TENM3: variants seen among roughly 807,000 people sequenced by gnomAD.
TENM3 encodes teneurin-3.
In TENM3, 63 loss-of-function variants were observed where a neutral mutation model predicts 255.1. The ratio of observed to expected loss-of-function variants is 0.25; its 90% CI spans 0.20 to 0.30. The LOEUF (loss-of-function observed/expected upper bound fraction) is 0.30, where lower values mean the gene tolerates loss of function less well. Among genes scored for constraint, TENM3 ranks in the 10% least tolerant of loss-of-function variants. The probability of loss-of-function intolerance (pLI) is 1.00; values close to 1 mark genes in which losing one functional copy is unlikely to be tolerated. For missense variants in TENM3, 2,929 were observed against 3,461.1 expected (o/e 0.85, Z 3.86); for synonymous variants, 1,306 against 1,322.3 (o/e 0.99, Z 0.27).
intron 1 of TENM3, among the ~76,000 whole-genome samples, chr4:182,205,156 A>G (rs2149849850): frequency 6.6e-6 from 1 of 152,342 alleles, no homozygotes; most frequent in Admixed American, 6.5e-5. Flanking sequence ...GAAAGCCCAC[A>G]TTGACCGTGG....
At chr4:182,264,794 A>G (rs1759130162) in intron 1 of TENM3, among the ~76,000 whole-genome samples, 1 of 152,230 alleles carries the variant, frequency 6.6e-6, no homozygotes, top group Middle Eastern at 3.2e-3. Context: ...GTAATAAGAA[A>G]TCTGAAAGGA....
the TENM3 span, among the ~76,000 whole-genome samples, chr4:181,568,806 C>T: frequency 6.6e-6 from 1 of 152,162 alleles, no homozygotes; most frequent in African/African-American, 2.4e-5. Flanking sequence ...CTCCCAAGAG[C>T]AGGCTCGTCA....
At chr4:181,880,046 C>G in the TENM3 span, among the ~76,000 whole-genome samples, 26 of 152,150 alleles carry the variant, frequency 1.7e-4, no homozygotes, top group African/African-American at 5.8e-4. Flanking sequence ...TTCCTGTTCT[C>G]TGAAATAATT....
chr4:182,019,445 C>A, the TENM3 span, among the ~76,000 whole-genome samples: 5 of 152,152 alleles, frequency 3.3e-5, no homozygotes, highest in African/African-American at 1.2e-4. Context: ...TGTGTGATGT[C>A]TTCGCTTCTC....
At chr4:181,569,639 G>C in the TENM3 span, among the ~76,000 whole-genome samples, 1 of 152,104 alleles carries the variant, frequency 6.6e-6, no homozygotes, top group South Asian at 2.1e-4. Flanking sequence ...AAGTTGTATA[G>C]GCCCTAAGGT....
intron 1 of TENM3, among the ~76,000 whole-genome samples, chr4:182,249,361 C>T (rs1440267238): frequency 2.0e-5 from 3 of 152,136 alleles, no homozygotes; most frequent in African/African-American, 7.2e-5. Flanking sequence ...CAAATAATCC[C>T]CAAATCTATG....
the TENM3 span, among the ~76,000 whole-genome samples, chr4:181,868,488 T>C: frequency 2.6e-5 from 4 of 152,218 alleles, no homozygotes; most frequent in African/African-American, 4.8e-5. Context: ...TCACCTTTAC[T>C]CTCAACCCCA....
chr4:181,495,919 A>G, the TENM3 span, among the ~76,000 whole-genome samples: 3,442 of 150,942 alleles, frequency 0.023, 130 homozygotes, highest in African/African-American at 0.079. Context: ...AAAAAAAAAA[A>G]AAAGAAACAT....
intron 3 of TENM3, among the ~76,000 whole-genome samples, chr4:182,469,062 C>T (rs1732872291): frequency 1.3e-5 from 2 of 151,948 alleles, no homozygotes; most frequent in South Asian, 4.1e-4. Flanking sequence ...TTTTACTTAG[C>T]CAGAAGGGTC....
the TENM3 span, among the ~76,000 whole-genome samples, chr4:181,468,598 A>G: frequency 6.6e-6 from 1 of 152,204 alleles, no homozygotes. Context: ...TTTAGCGACT[A>G]CATTTGTATA....
intron 2 of TENM3, among the ~76,000 whole-genome samples, chr4:182,331,211 G>C (rs896538843): frequency 6.6e-6 from 1 of 152,132 alleles, no homozygotes; most frequent in Admixed American, 6.5e-5. Context: ...AAGATGAAAG[G>C]AGTCAAATCT....
intron 2 of TENM3, among the ~76,000 whole-genome samples, chr4:182,334,808 G>A (rs746216919): frequency 1.3e-5 from 2 of 152,054 alleles, no homozygotes; most frequent in Non-Finnish European, 2.9e-5. Context: ...ATGGATTAAA[G>A]ACAAATGTAA....
rs148396038 is a variant in TENM3 at position 182,425,933 on chromosome 4, G to A, written c.511+79004G>A. 3.5e-4 allele frequency among the ~76,000 whole-genome samples: 53 copies of A among 149,352 alleles called. No individual in the cohort carries two copies. In the East Asian group the frequency reaches 7.6e-3, roughly 21 times the overall value. ...TGAGGCAGGAGAATCACTTGAACCC[G>A]GGAAGTGGAGGTTGCAGTGAGCTGT... On this transcript the variant is annotated intron_variant, in intron 3 of 27. Transcript: ENST00000511685.
At chr4:182,079,925 C>T in the TENM3 span, 2 of 152,340 alleles carry the variant, frequency 1.3e-5, no homozygotes, top group Non-Finnish European at 2.9e-5. Flanking sequence ...AAGCTCTCGA[C>T]TACATGTCAA....
chr4:182,537,825 G>A (rs1560890841), intron 3 of TENM3, among the ~76,000 whole-genome samples: 1 of 152,084 alleles, frequency 6.6e-6, no homozygotes, highest in African/African-American at 2.4e-5. Flanking sequence ...AAGTTTCCAG[G>A]TACCCCATAC....
At chr4:181,841,215 A>G in the TENM3 span, among the ~76,000 whole-genome samples, 25 of 152,128 alleles carry the variant, frequency 1.6e-4, no homozygotes, top group Non-Finnish European at 3.5e-4. Context: ...GTGTCATATA[A>G]TAAATACTCT....
At position 182,517,652 on chromosome 4, in the gene TENM3, G is replaced by A. The variant is rs547650022; in HGVS notation, c.512-83272G>A. ...CCCGCCTCGGCCTCCCAAAGTGCTGGGATTACAGGCGTGAGCCACCGCGCC... is the reference window on the plus strand; with the variant it reads ...CCCGCCTCGGCCTCCCAAAGTGCTGAGATTACAGGCGTGAGCCACCGCGCC... On this transcript the variant is annotated intron_variant, in intron 3 of 27. Transcript: ENST00000511685. Among the ~76,000 whole-genome samples the A allele has an allele frequency of 8.5e-5, 11 of 129,922 alleles. 3 individuals carry two copies. In the East Asian group the frequency reaches 2.4e-3, roughly 29 times the overall value. The allele number at this position is 129,922 out of a possible 152,430, so 85.2% of individuals were successfully genotyped here.
intron 1 of TENM3, among the ~76,000 whole-genome samples, chr4:182,170,028 C>G (rs1751994013): frequency 6.6e-6 from 1 of 150,666 alleles, no homozygotes; most frequent in Admixed American, 6.7e-5. Flanking sequence ...GATTCTGCCA[C>G]TGTTTTGAGA....
At chr4:182,151,687 A>G (rs1750367697) in intron 1 of TENM3, among the ~76,000 whole-genome samples, 1 of 152,060 alleles carries the variant, frequency 6.6e-6, no homozygotes, top group Admixed American at 6.6e-5. Flanking sequence ...CAAAACAAAA[A>G]AACGAAGAAA....
Sources: gnomAD v4.1 joint callset for allele counts (sites outside exome capture counted in the v4.1 genomes callset) on GRCh38, gnomAD v4.1.1 for gene constraint, MANE v1.5 for transcripts, NCBI Gene and HGNC (gene_info 2026-07-23, HGNC 2026-07-21) for gene names.